The following SLC24A3 variants were observed in gnomAD, a reference collection of about 807,000 sequenced individuals.
SLC24A3 encodes sodium/potassium/calcium exchanger 3.
Under a neutral mutation model 75.8 loss-of-function variants are expected in SLC24A3, and 28 were observed. The observed-to-expected ratio is 0.37, with a 90% confidence interval of 0.27 to 0.51. SLC24A3 has a LOEUF of 0.51. Ranked by LOEUF, SLC24A3 falls within the 20% of genes least tolerant of loss-of-function variation. SLC24A3 has a pLI of 0.94. For missense variants in SLC24A3, 663 were observed against 847.8 expected (o/e 0.78, Z 2.71); for synonymous variants, 372 against 334.1 (o/e 1.11, Z -1.24).
chr20:19,281,588 G>T (rs1983665857), intron 2 of SLC24A3, among the ~76,000 whole-genome samples: 2 of 152,094 alleles, frequency 1.3e-5, no homozygotes, highest in Admixed American at 1.3e-4. Flanking sequence ...CCATTCCCCA[G>T]AAATATATAT....
intron 2 of SLC24A3, among the ~76,000 whole-genome samples, chr20:19,405,344 A>C (rs926042620): frequency 6.6e-6 from 1 of 152,198 alleles, no homozygotes; most frequent in South Asian, 2.1e-4. Flanking sequence ...CCACTAGCAC[A>C]TCACTCTCAA....
intron 4 of SLC24A3, among the ~76,000 whole-genome samples, chr20:19,581,065 GTTGGATAC>G (rs2031211949): frequency 6.6e-6 from 1 of 152,184 alleles, no homozygotes; most frequent in African/African-American, 2.4e-5. Flanking sequence ...GGAAGTTAGT[GTTGGATAC>G]TTAAATAAAT....
At chr20:19,630,409 T>C (rs2031918350) in intron 6 of SLC24A3, among the ~76,000 whole-genome samples, 1 of 152,218 alleles carries the variant, frequency 6.6e-6, no homozygotes, top group Admixed American at 6.5e-5. Context: ...ATTTGCCAAG[T>C]CTATTTCTGT....
chr20:19,305,634 A>G (rs1000931616), intron 2 of SLC24A3, among the ~76,000 whole-genome samples: 1 of 152,182 alleles, frequency 6.6e-6, no homozygotes, highest in Non-Finnish European at 1.5e-5. Flanking sequence ...AAAAAAGTCA[A>G]CATTAACAAG....
intron 3 of SLC24A3, among the ~76,000 whole-genome samples, chr20:19,578,554 A>T (rs946257676): frequency 6.6e-6 from 1 of 151,318 alleles, no homozygotes; most frequent in Admixed American, 6.6e-5. Context: ...CTGACTCTCC[A>T]CTGTGTGACA....
chr20:19,276,638 C>T (rs1368200639), intron 1 of SLC24A3, among the ~76,000 whole-genome samples: 1 of 152,140 alleles, frequency 6.6e-6, no homozygotes, highest in Non-Finnish European at 1.5e-5. Context: ...ACTGTGGTGG[C>T]TCGTGCGTAT....
chr20:19,323,687 G>A (rs1201555077), intron 2 of SLC24A3, among the ~76,000 whole-genome samples: 1 of 152,106 alleles, frequency 6.6e-6, no homozygotes, highest in African/African-American at 2.4e-5. Flanking sequence ...ACCTAAGGGG[G>A]ACTTTAGCTA....
At chr20:19,253,931 A>T (rs953698124) in intron 1 of SLC24A3, among the ~76,000 whole-genome samples, 1 of 152,042 alleles carries the variant, frequency 6.6e-6, no homozygotes, top group African/African-American at 2.4e-5. Context: ...ACCCAGTGGG[A>T]GACAGTAGGG....
chr20:19,269,058 G>A (rs1022609833), intron 1 of SLC24A3, among the ~76,000 whole-genome samples: 6 of 152,196 alleles, frequency 3.9e-5, no homozygotes, highest in African/African-American at 1.4e-4. Flanking sequence ...CTCAGATTAT[G>A]GGATAAGGCC....
chr20:19,611,181 T>C (rs1002866849), intron 6 of SLC24A3, among the ~76,000 whole-genome samples: 1 of 152,178 alleles, frequency 6.6e-6, no homozygotes, highest in African/African-American at 2.4e-5. Flanking sequence ...GTCTCATCAA[T>C]GCACTCAACA....
At chr20:19,358,913 T>G (rs182079311) in intron 2 of SLC24A3, among the ~76,000 whole-genome samples, 3 of 152,376 alleles carry the variant, frequency 2.0e-5, no homozygotes, top group South Asian at 4.1e-4. Flanking sequence ...AGTATCATGT[T>G]TTCAGGGTTC....
At chr20:19,699,132 T>C (rs1048412395) in intron 15 of SLC24A3, among the ~76,000 whole-genome samples, 5 of 152,274 alleles carry the variant, frequency 3.3e-5, no homozygotes, top group African/African-American at 1.2e-4. Flanking sequence ...TAAAAACCAT[T>C]CTTCACTCAT....
intron 2 of SLC24A3, among the ~76,000 whole-genome samples, chr20:19,464,389 G>A (rs1436630061): frequency 2.4e-5 from 3 of 125,628 alleles, no homozygotes; most frequent in African/African-American, 8.2e-5. Flanking sequence ...GCACACGTGT[G>A]TACACACACA....
At chr20:19,581,886 T>C (rs761538909) in intron 4 of SLC24A3, among the ~76,000 whole-genome samples, 24 of 152,150 alleles carry the variant, frequency 1.6e-4, no homozygotes, top group Non-Finnish European at 3.4e-4. Flanking sequence ...CCCACAGCGA[T>C]ACTGGAGGAG....
chr20:19,619,046 C>G (rs1274603891), intron 6 of SLC24A3, among the ~76,000 whole-genome samples: 1 of 152,154 alleles, frequency 6.6e-6, no homozygotes, highest in African/African-American at 2.4e-5. Context: ...TCCCACCCTG[C>G]CTGATTACAG....
chr20:19,657,723 A>C (rs897333280), intron 7 of SLC24A3, among the ~76,000 whole-genome samples: 1 of 152,146 alleles, frequency 6.6e-6, no homozygotes, highest in Admixed American at 6.5e-5. Context: ...TTCACAAAGT[A>C]CCTCTCACAA....
chr20:19,528,037 G>C (rs988212561), intron 3 of SLC24A3, among the ~76,000 whole-genome samples: 2 of 152,156 alleles, frequency 1.3e-5, no homozygotes, highest in Non-Finnish European at 2.9e-5. Context: ...CAGGCTCCAA[G>C]ATTCCACCTA....
chr20:19,429,532 G>C (rs1464567346), intron 2 of SLC24A3, among the ~76,000 whole-genome samples: 1 of 152,150 alleles, frequency 6.6e-6, no homozygotes, highest in Non-Finnish European at 1.5e-5. Context: ...GTTCTTTCTT[G>C]AGTTAAGCTT....
rs530081917 is a variant in SLC24A3 at position 19,699,258 on chromosome 20, C to T, written c.1719+578C>T. Among the ~76,000 whole-genome samples the T allele has an allele frequency of 2.9e-4, 44 of 152,354 alleles. No individual in the cohort carries two copies. The South Asian group carries it at 5.6e-3, about 19-fold the overall frequency. On this transcript the variant is annotated intron_variant, in intron 15 of 16. Coordinates refer to ENST00000328041, the MANE Select transcript of SLC24A3 (RefSeq NM_020689.4). Reference sequence around the variant, plus strand: ...TTATTACAGGCTAAGTGATTCATGTCAGAGAAACACTGGAGAGATGCCATC... The same window carrying T: ...TTATTACAGGCTAAGTGATTCATGTTAGAGAAACACTGGAGAGATGCCATC...
Sources: allele counts gnomAD v4.1 joint callset (sites outside exome capture counted in the v4.1 genomes callset), GRCh38; gene constraint gnomAD v4.1.1; transcripts MANE v1.5; gene names NCBI Gene and HGNC (gene_info 2026-07-23, HGNC 2026-07-21).